MICAL3: variants seen among roughly 807,000 people sequenced by gnomAD.
MICAL3 encodes [F-actin]-monooxygenase MICAL3.
A neutral mutation model predicts 207.4 loss-of-function variants in MICAL3; 62 were observed. The ratio of observed to expected loss-of-function variants is 0.30; its 90% CI spans 0.24 to 0.37. MICAL3 has a LOEUF of 0.37. Among genes scored for constraint, MICAL3 ranks in the 10% least tolerant of loss-of-function variants. The probability of loss-of-function intolerance (pLI) is 1.00; values close to 1 mark genes in which losing one functional copy is unlikely to be tolerated. For synonymous variants in MICAL3, 1,077 were observed against 1,069.3 expected, an observed-to-expected ratio of 1.01 and a Z score of -0.14; for missense variants, 2,368 against 2,635.6, an observed-to-expected ratio of 0.90 and a Z score of 2.22.
intron 16 of MICAL3, chr22:17,879,216 G>A (rs1929184255): frequency 7.4e-6 from 5 of 674,712 alleles, no homozygotes; most frequent in Non-Finnish European, 1.2e-5. Context: ...CTCTTGGCTG[G>A]GTGACAAGAG....
rs920380158 is a variant in MICAL3, at chr22:17,799,295, T to C, written c.5651-7994A>G. Among the ~76,000 whole-genome samples, 228 of 152,248 alleles carry C rather than the reference T, an allele frequency of 1.5e-3. 3 individuals carry two copies. The highest frequency in any genetic ancestry group is 2.1e-4 in the South Asian group (1 of 4,822). On this transcript the variant is annotated intron_variant, in intron 29 of 31. Coordinates refer to ENST00000441493, the MANE Select transcript of MICAL3 (RefSeq NM_015241.3). Reference sequence around the variant, plus strand: ...TACTCAGGAGGCTGAGGCAGGAGAATTGCTTGAACCCGGGAGGTGGGGGTT... The same window carrying C: ...TACTCAGGAGGCTGAGGCAGGAGAACTGCTTGAACCCGGGAGGTGGGGGTT...
intron 25 of MICAL3, among the ~76,000 whole-genome samples, chr22:17,820,972 A>ATAAACATAAATTTTAATAAATTTATG (rs1569080020): frequency 0.023 from 2,351 of 101,732 alleles, 199 homozygotes; most frequent in South Asian, 0.044. Flanking sequence ...ATAAATTTAT[A>ATAAACATAAATTTTAATAAATTTATG]TTTATAAACA....
chr22:17,863,926 C>T (rs1253806292), intron 19 of MICAL3: 2 of 985,332 alleles, frequency 2.0e-6, no homozygotes, highest in Non-Finnish European at 2.4e-6. Flanking sequence ...GCTTGAGATA[C>T]ATGTGTTTTG....
chr22:17,829,211 G>T lies in MICAL3; in HGVS notation c.3056-1430C>A, dbSNP rs193155553. Among the ~76,000 whole-genome samples the T allele has an allele frequency of 6.7e-5, 10 of 149,434 alleles. No individual in the cohort carries two copies. The East Asian group carries it at 2.0e-3, about 29-fold the overall frequency. On this transcript the variant is annotated intron_variant, in intron 21 of 31. Transcript: ENST00000441493. ...GACGAAGTGTCGCTCTTGTTGCCCA[G>T]GCTAGAGTGCAATGGCACGATCTCA...
chr22:17,810,400 G>A (rs185204452), intron 28 of MICAL3, among the ~76,000 whole-genome samples: 1 of 152,036 alleles, frequency 6.6e-6, no homozygotes, highest in Non-Finnish European at 1.5e-5. Flanking sequence ...GTTTTGCCAT[G>A]TTGGCCAGGC....
At position 17,826,402 on chromosome 22, in the gene MICAL3, G is replaced by A. The variant is rs188093047; in HGVS notation, c.3193+1242C>T. On this transcript the variant is annotated intron_variant, in intron 22 of 31. Transcript: ENST00000441493. ...CTAGTGTTAAGGTACCAGCAGAGCC[G>A]CCTAGAGAGAGGTTACGGTGAGTGG... 45 of 945,508 alleles carry A rather than the reference G, an allele frequency of 4.8e-5. No individual in the cohort carries two copies. In the East Asian group the frequency reaches 1.6e-3, roughly 34 times the overall value. 58.6% of individuals were successfully genotyped at this position (945,508 alleles called of 1,614,324 possible).
rs1425519901 is a variant in MICAL3, at chr22:17,788,850, G to GC, written c.*1881_*1882insG. ...GTGTGGTTCCCATGGAAAGCCCAAG[G>GC]TCAGCACAGCCACTCAGCCTGCTCC... On this transcript the variant is annotated 3_prime_UTR_variant, in exon 32 of 32. Coordinates refer to ENST00000441493, the MANE Select transcript of MICAL3 (RefSeq NM_015241.3). 5.2e-5 allele frequency: 8 copies of GC among 152,428 alleles called. No individual in the cohort carries two copies. Among genetic ancestry groups the GC allele is most frequent in the Non-Finnish European group, 1.0e-4 (7 of 68,170 alleles). The allele number at this position is 152,428 out of a possible 1,614,324, so 9.4% of individuals were successfully genotyped here.
intron 1 of MICAL3, among the ~76,000 whole-genome samples, chr22:17,916,749 G>A (rs569731009): frequency 9.3e-4 from 142 of 152,122 alleles, no homozygotes; most frequent in African/African-American, 3.2e-3. Flanking sequence ...CCCTCTCTGC[G>A]TCCTTTGCTG....
At chr22:17,896,697 C>T (rs745898992) in intron 8 of MICAL3, 27 bp downstream of exon 8, 1 of 1,606,844 alleles carries the variant, frequency 6.2e-7, no homozygotes, top group Non-Finnish European at 8.5e-7. Context: ...GCCCCTACCA[C>T]AGAGTGCTGC....
In MICAL3 at chr22:17,902,119, C is replaced by T. The variant is rs1243314367; in HGVS notation, c.590-140G>A. ...TGTGTAGAAGCAGTGGAGACAGAGGCTGTGCACGGTGGCTCGTGCCTCTAA... is the reference window on the plus strand; with the variant it reads ...TGTGTAGAAGCAGTGGAGACAGAGGTTGTGCACGGTGGCTCGTGCCTCTAA... On this transcript the variant is annotated intron_variant, in intron 4 of 31. Transcript: ENST00000441493. The surrounding 1 kb of genome is among the most constrained non-coding windows in gnomAD (Gnocchi z 4.5). The T allele has an allele frequency of 9.4e-6, 6 of 636,910 alleles. No individual in the cohort carries two copies. Among genetic ancestry groups the T allele is most frequent in the Non-Finnish European group, 1.7e-5 (6 of 362,658 alleles). The allele number at this position is 636,910 out of a possible 1,614,324, so 39.5% of individuals were successfully genotyped here. A position where few individuals can be genotyped will look rare whatever the true frequency, so the allele number is the denominator to read the frequency against.
chr22:18,018,602 G>A (rs1319622694), intron 1 of MICAL3, among the ~76,000 whole-genome samples: 1 of 152,010 alleles, frequency 6.6e-6, no homozygotes, highest in Non-Finnish European at 1.5e-5. Flanking sequence ...GGCACCTGTG[G>A]TCCCAGCTAC....
chr22:18,002,095 G>C (rs1392320853), intron 1 of MICAL3, among the ~76,000 whole-genome samples: 1 of 152,210 alleles, frequency 6.6e-6, no homozygotes, highest in Non-Finnish European at 1.5e-5. Context: ...CTACTCTGGA[G>C]GCTGAGGCAG....
At chr22:17,999,029 G>A (rs1922633093) in intron 1 of MICAL3, among the ~76,000 whole-genome samples, 1 of 152,192 alleles carries the variant, frequency 6.6e-6, no homozygotes, top group Admixed American at 6.5e-5. Context: ...CCAGTTCAGA[G>A]GCACGGCCCA....
intron 27 of MICAL3, chr22:17,813,192 C>G (rs1854772486): frequency 6.6e-6 from 1 of 152,242 alleles, no homozygotes; most frequent in Admixed American, 6.5e-5. Flanking sequence ...GCAGCAGGAG[C>G]CTCTTCTCAT....
intron 1 of MICAL3, among the ~76,000 whole-genome samples, chr22:17,979,699 A>C (rs1447293178): frequency 2.0e-5 from 3 of 151,992 alleles, no homozygotes; most frequent in African/African-American, 7.3e-5. Context: ...CCAGCCCAGC[A>C]CACCACCAAT....
intron 19 of MICAL3, among the ~76,000 whole-genome samples, chr22:17,850,777 T>C (rs990852431): frequency 6.6e-5 from 10 of 152,318 alleles, no homozygotes; most frequent in South Asian, 2.1e-4. Flanking sequence ...AGGTGCCTTT[T>C]TGGCAAATGG....
rs576441724 is a variant in MICAL3 at position 17,823,832 on chromosome 22, A to G, written c.3194-772T>C. On this transcript the variant is annotated intron_variant, in intron 22 of 31. Transcript: ENST00000441493. ...TAAGAAACACTCAGCCTGCAACATAATTAGAGGGACCGTTTCTTTAGCGAG... is the reference window on the plus strand; with the variant it reads ...TAAGAAACACTCAGCCTGCAACATAGTTAGAGGGACCGTTTCTTTAGCGAG... 3.9e-5 allele frequency among the ~76,000 whole-genome samples: 6 copies of G among 152,338 alleles called. No homozygotes were observed. The South Asian group carries it at 1.2e-3, about 32-fold the overall frequency.
chr22:17,979,331 G>T (rs1318125019), intron 1 of MICAL3, among the ~76,000 whole-genome samples: 10 of 151,996 alleles, frequency 6.6e-5, no homozygotes, highest in Admixed American at 6.5e-4. Flanking sequence ...GATCACCTGA[G>T]GTCAGGAGTT....
At chr22:17,983,269 G>C (rs2146443641) in intron 1 of MICAL3, 1 of 152,146 alleles carries the variant, frequency 6.6e-6, no homozygotes, top group Admixed American at 6.6e-5. Flanking sequence ...CATTTCCCTG[G>C]GACCCTCCCT....
Sources: allele counts gnomAD v4.1 joint callset (sites outside exome capture counted in the v4.1 genomes callset), GRCh38; gene constraint gnomAD v4.1.1; non-coding constraint Gnocchi (gnomAD v3.1); transcripts MANE v1.5; gene names NCBI Gene and HGNC (gene_info 2026-07-23, HGNC 2026-07-21).